ST8SIA2: variants seen among roughly 807,000 people sequenced by gnomAD.
ST8SIA2 encodes ST8 alpha-N-acetyl-neuraminide alpha-2,8-sialyltransferase 2, also known as alpha-2,8-sialyltransferase 8B.
ST8SIA2 carries 22 observed loss-of-function variants against 37.6 expected under a neutral mutation model. The ratio of observed to expected loss-of-function variants is 0.58; its 90% CI spans 0.42 to 0.83. The LOEUF (loss-of-function observed/expected upper bound fraction) is 0.83, where lower values mean the gene tolerates loss of function less well. Ranked by LOEUF, ST8SIA2 falls within the 40% of genes least tolerant of loss-of-function variation. The pLI is 0.00. For missense variants in ST8SIA2, 382 were observed against 484.7 expected (o/e 0.79, Z 1.99); for synonymous variants, 205 against 201.2 (o/e 1.02, Z -0.16).
intron 1 of ST8SIA2, chr15:92,417,831 T>C (rs2049599247): frequency 6.6e-6 from 1 of 152,170 alleles, no homozygotes; most frequent in Non-Finnish European, 1.5e-5. Flanking sequence ...TCGCTTTGAG[T>C]GTCTGGGTCA....
At chr15:92,395,214 CAAA>C in intron 1 of ST8SIA2, among the ~76,000 whole-genome samples, 1 of 152,220 alleles carries the variant, frequency 6.6e-6, no homozygotes, top group East Asian at 1.9e-4. Context: ...GGTGAGGTCT[CAAA>C]GAGGGCAGAA....
At chr15:92,446,780 C>T (rs28668996) in intron 5 of ST8SIA2, among the ~76,000 whole-genome samples, 28,877 of 152,006 alleles carry the variant, frequency 0.19, 4,326 homozygotes, top group African/African-American at 0.41. Context: ...GGGGTAGGAA[C>T]CTTCCAGGTG....
chr15:92,426,302 C>T (rs2141824707), intron 1 of ST8SIA2, among the ~76,000 whole-genome samples: 1 of 152,140 alleles, frequency 6.6e-6, no homozygotes, highest in East Asian at 1.9e-4. Context: ...GGCACCGATG[C>T]TGGGTTAGGG....
chr15:92,442,203 T>C lies in ST8SIA2; in HGVS notation c.549-2433T>C, dbSNP rs562998707. ...CAGCATCCTCACTGAGGCACAGTCA[T>C]TGGAAAAGCTTGGACTTCACAGCCC... On this transcript the variant is annotated intron_variant, in intron 4 of 5. Transcript: ENST00000268164. 3.9e-5 allele frequency among the ~76,000 whole-genome samples: 6 copies of C among 152,284 alleles called. No individual in the cohort carries two copies. In the South Asian group the frequency reaches 8.3e-4, roughly 21 times the overall value.
At chr15:92,432,711 A>G (rs1038075451) in intron 2 of ST8SIA2, among the ~76,000 whole-genome samples, 5 of 152,202 alleles carry the variant, frequency 3.3e-5, no homozygotes, top group African/African-American at 1.2e-4. Flanking sequence ...GAAGTTACAG[A>G]TATTTGAATT....
intron 1 of ST8SIA2, among the ~76,000 whole-genome samples, chr15:92,397,899 G>A (rs8039830): frequency 1.1e-4 from 16 of 152,192 alleles, no homozygotes; most frequent in African/African-American, 3.6e-4. Context: ...TTGGGAGGCC[G>A]AGGCAGGTAG....
intron 5 of ST8SIA2, among the ~76,000 whole-genome samples, chr15:92,457,970 G>A (rs1037740456): frequency 2.0e-5 from 3 of 152,194 alleles, no homozygotes; most frequent in African/African-American, 7.2e-5. Flanking sequence ...CCAGCTGGCC[G>A]CAGTTACAAA....
chr15:92,451,300 G>T lies in ST8SIA2; in HGVS notation c.842+6371G>T, dbSNP rs1479254222. Reference sequence around the variant, plus strand: ...CAGGAGCTGCCACACTGGAGAAGAGGTGTTAGAAGACCACGGCAGGCAGCA... The same window carrying T: ...CAGGAGCTGCCACACTGGAGAAGAGTTGTTAGAAGACCACGGCAGGCAGCA... On this transcript the variant is annotated intron_variant, in intron 5 of 5. Coordinates refer to ENST00000268164, the MANE Select transcript of ST8SIA2 (RefSeq NM_006011.4). 3.3e-5 allele frequency among the ~76,000 whole-genome samples: 5 copies of T among 152,198 alleles called. No homozygotes were observed. The East Asian group carries it at 9.6e-4, about 29-fold the overall frequency.
chr15:92,409,237 G>A (rs2049531915), intron 1 of ST8SIA2, among the ~76,000 whole-genome samples: 1 of 152,176 alleles, frequency 6.6e-6, no homozygotes, highest in African/African-American at 2.4e-5. Flanking sequence ...GGAGATTAAT[G>A]AGGGCCTGCA....
At chr15:92,434,166 G>T (rs568123213) in intron 2 of ST8SIA2, 81 bp from the exon 3 acceptor site, 2 of 1,598,120 alleles carry the variant, frequency 1.3e-6, no homozygotes, top group Non-Finnish European at 1.7e-6. Flanking sequence ...ATTCAAGCCC[G>T]TGCAAAAACA....
intron 5 of ST8SIA2, chr15:92,445,185 G>C: frequency 1.7e-6 from 1 of 578,682 alleles, no homozygotes; most frequent in Non-Finnish European, 3.1e-6. Context: ...AATGATCTTG[G>C]GGGTGGGGCT....
Position 92,394,011 on chromosome 15 carries a change from C to A in ST8SIA2, c.-54C>A. ...CTCCGGCGTCCGCCGCTGCGCCCTC[C>A]GGCCCCTGCTCCTCGCGCCGGCCCG... On this transcript the variant is annotated 5_prime_UTR_variant, in exon 1 of 6. Coordinates refer to ENST00000268164, the MANE Select transcript of ST8SIA2 (RefSeq NM_006011.4). 2 of 1,419,972 alleles carry A rather than the reference C, an allele frequency of 1.4e-6. No individual in the cohort carries two copies. Among genetic ancestry groups the A allele is most frequent in the South Asian group, 1.3e-5 (1 of 77,770 alleles). The allele number at this position is 1,419,972 out of a possible 1,614,324, so 88.0% of individuals were successfully genotyped here.
At chr15:92,430,629 A>G (rs1001638755) in intron 2 of ST8SIA2, among the ~76,000 whole-genome samples, 1 of 152,210 alleles carries the variant, frequency 6.6e-6, no homozygotes, top group Admixed American at 6.5e-5. Context: ...GTAATGGTGC[A>G]GAACAGTCAT....
At chr15:92,394,627 TG>T (rs2049416431) in intron 1 of ST8SIA2, among the ~76,000 whole-genome samples, 1 of 151,698 alleles carries the variant, frequency 6.6e-6, no homozygotes, top group Non-Finnish European at 1.5e-5. Flanking sequence ...GAGGGGTTCC[TG>T]GGGCCGGAGC....
chr15:92,421,931 C>T (rs188642895), intron 1 of ST8SIA2, among the ~76,000 whole-genome samples: 1 of 152,334 alleles, frequency 6.6e-6, no homozygotes, highest in Admixed American at 6.5e-5. Context: ...ACATTATTCT[C>T]ATTACCAGGC....
At chr15:92,459,068 A>T (rs1355598163) in intron 5 of ST8SIA2, among the ~76,000 whole-genome samples, 1 of 152,194 alleles carries the variant, frequency 6.6e-6, no homozygotes, top group Non-Finnish European at 1.5e-5. Context: ...ACGCCTGAGT[A>T]ACCTCAGAAG....
intron 5 of ST8SIA2, among the ~76,000 whole-genome samples, chr15:92,454,078 G>A (rs2049902021): frequency 6.6e-6 from 1 of 152,186 alleles, no homozygotes; most frequent in African/African-American, 2.4e-5. Context: ...TACAGAGTTG[G>A]CAGATTAGCT....
intron 1 of ST8SIA2, among the ~76,000 whole-genome samples, chr15:92,408,104 A>G (rs2049521190): frequency 6.6e-6 from 1 of 152,146 alleles, no homozygotes; most frequent in African/African-American, 2.4e-5. Flanking sequence ...ACTTACAGAA[A>G]CCATTTATAA....
At chr15:92,450,013 C>T (rs1179645737) in intron 5 of ST8SIA2, among the ~76,000 whole-genome samples, 1 of 152,136 alleles carries the variant, frequency 6.6e-6, no homozygotes, top group Non-Finnish European at 1.5e-5. Context: ...TAGAAGAAAA[C>T]TTAGGAGAAG....
Sources: allele counts gnomAD v4.1 joint callset (sites outside exome capture counted in the v4.1 genomes callset), GRCh38; gene constraint gnomAD v4.1.1; transcripts MANE v1.5; gene names NCBI Gene and HGNC (gene_info 2026-07-23, HGNC 2026-07-21).